Variants in FOCAD observed in about 807,000 individuals in gnomAD.
FOCAD encodes KIAA1797.
A neutral mutation model predicts 225.6 loss-of-function variants in FOCAD; 198 were observed. That is an observed-to-expected ratio of 0.88 (90% CI 0.78 to 0.99). The LOEUF is 0.99. FOCAD is among the 50% of genes least tolerant of loss of function. The pLI is 0.00. For missense variants in FOCAD, 2,713 were observed against 2,123.6 expected (o/e 1.28, Z -5.46); for synonymous variants, 897 against 755.0 (o/e 1.19, Z -3.08).
At chr9:20,950,859 TA>T (rs1837619835) in intron 33 of FOCAD, 136 bp from the exon 34 acceptor site, 1 of 687,584 alleles carries the variant, frequency 1.5e-6, no homozygotes, top group Non-Finnish European at 2.6e-6. Context: ...CACATGATAT[TA>T]CATCTTGTCA....
chr9:20,788,319 G>A (rs1820153610), intron 10 of FOCAD, among the ~76,000 whole-genome samples: 1 of 152,120 alleles, frequency 6.6e-6, no homozygotes, highest in Admixed American at 6.5e-5. Flanking sequence ...AGTAAGGAGT[G>A]ACTATCAGTG....
intron 42 of FOCAD, 82 bp from the exon 43 acceptor site, chr9:20,993,170 TA>T: frequency 8.7e-7 from 1 of 1,143,054 alleles, no homozygotes; most frequent in Non-Finnish European, 1.3e-6. Context: ...AATCACCTCA[TA>T]TATATAGGTC....
intron 2 of FOCAD, among the ~76,000 whole-genome samples, chr9:20,676,488 C>T (rs1822240956): frequency 6.6e-6 from 1 of 152,144 alleles, no homozygotes; most frequent in Non-Finnish European, 1.5e-5. Context: ...ACAAGGCAAA[C>T]AGAGCATATG....
chr9:20,967,673 G>A (rs1470346104), intron 35 of FOCAD, among the ~76,000 whole-genome samples: 1 of 152,094 alleles, frequency 6.6e-6, no homozygotes. Context: ...AGTATTATGT[G>A]TGTTTTTTAT....
chr9:20,907,366 T>C, intron 22 of FOCAD, 124 bp downstream of exon 22: 1 of 774,004 alleles, frequency 1.3e-6, no homozygotes, highest in Non-Finnish European at 2.2e-6. Context: ...TAATGGTTAT[T>C]TTTACTCATA....
At chr9:20,778,512 G>A (rs765607768) in intron 8 of FOCAD, among the ~76,000 whole-genome samples, 169 bp from the exon 9 acceptor site, 14 of 152,174 alleles carry the variant, frequency 9.2e-5, no homozygotes, top group East Asian at 1.9e-4. Context: ...GAGCTGCCAC[G>A]CCCGGCCGAC....
intron 15 of FOCAD, among the ~76,000 whole-genome samples, chr9:20,848,581 G>A (rs1377220423): frequency 6.6e-6 from 1 of 151,974 alleles, no homozygotes; most frequent in Non-Finnish European, 1.5e-5. Flanking sequence ...GTCAGAGAGA[G>A]CTGCTTCTGA....
chr9:20,658,745 G>A (rs576744867), exon 2 of FOCAD: 35 of 159,670 alleles, frequency 2.2e-4, no homozygotes, highest in Admixed American at 1.0e-3. Context: ...CTTCTCCATC[G>A]CTCACGCTGG....
intron 4 of FOCAD, 41 bp from the exon 5 acceptor site, chr9:20,740,195 C>G (rs1827494324): frequency 1.5e-5 from 19 of 1,277,656 alleles, no homozygotes; most frequent in Non-Finnish European, 2.0e-5. Context: ...AGAATATTCA[C>G]TTTTTATCTA....
chr9:20,771,188 T>A (rs1818183730), intron 8 of FOCAD, among the ~76,000 whole-genome samples: 1 of 152,128 alleles, frequency 6.6e-6, no homozygotes, highest in Admixed American at 6.6e-5. Context: ...CTTGGCTTAT[T>A]CAAAAAAACA....
intron 1 of FOCAD, among the ~76,000 whole-genome samples, chr9:20,698,642 G>C (rs1026312361): frequency 6.6e-6 from 1 of 151,958 alleles, no homozygotes. Flanking sequence ...CCAAAGTGTT[G>C]GGATTACAGG....
At chr9:20,908,488 C>T (rs1215470906) in intron 22 of FOCAD, among the ~76,000 whole-genome samples, 1 of 152,098 alleles carries the variant, frequency 6.6e-6, no homozygotes, top group Non-Finnish European at 1.5e-5. Flanking sequence ...CCATGTTTTA[C>T]AAGCTGCCAG....
intron 8 of FOCAD, among the ~76,000 whole-genome samples, chr9:20,771,362 A>C (rs1460761548): frequency 6.6e-6 from 1 of 152,172 alleles, no homozygotes; most frequent in Non-Finnish European, 1.5e-5. Context: ...TCTTTCTCGT[A>C]GGAAGATGGA....
intron 1 of FOCAD, among the ~76,000 whole-genome samples, chr9:20,714,397 A>G (rs1011689365): frequency 4.6e-5 from 7 of 152,132 alleles, no homozygotes; most frequent in Admixed American, 2.6e-4. Flanking sequence ...TGCTTGTTAT[A>G]AGTTAATCTA....
At chr9:20,685,773 A>G (rs1249505085) in intron 1 of FOCAD, among the ~76,000 whole-genome samples, 1 of 152,204 alleles carries the variant, frequency 6.6e-6, no homozygotes. Flanking sequence ...CTATTTTAAC[A>G]TTTGTTTCAT....
chr9:20,937,413 G>T (rs1156839637), intron 28 of FOCAD, among the ~76,000 whole-genome samples: 1 of 152,168 alleles, frequency 6.6e-6, no homozygotes, highest in African/African-American at 2.4e-5. Context: ...AGAGCTCTCA[G>T]AAATAATGCC....
intron 21 of FOCAD, among the ~76,000 whole-genome samples, chr9:20,899,403 G>C (rs1832378186): frequency 6.6e-6 from 1 of 151,902 alleles, no homozygotes; most frequent in Non-Finnish European, 1.5e-5. Context: ...TACTGTGGTG[G>C]TTTCTGTCTG....
chr9:20,718,018 GT>G, intron 3 of FOCAD, 150 bp downstream of exon 3: 1 of 570,002 alleles, frequency 1.8e-6, no homozygotes, highest in Non-Finnish European at 3.0e-6. Flanking sequence ...TTGTTTATTT[GT>G]TTGCCTTTTT....
chr9:20,861,211 G>A (rs1319119921), intron 15 of FOCAD, among the ~76,000 whole-genome samples: 1 of 152,164 alleles, frequency 6.6e-6, no homozygotes, highest in Non-Finnish European at 1.5e-5. Context: ...TTAGAGTGAT[G>A]TATCTTTTTC....
Sources: gnomAD v4.1 joint callset for allele counts (sites outside exome capture counted in the v4.1 genomes callset) on GRCh38, gnomAD v4.1.1 for gene constraint, MANE v1.5 for transcripts, NCBI Gene and HGNC (gene_info 2026-07-23, HGNC 2026-07-21) for gene names.